Variants in RRAGD observed in about 807,000 individuals in gnomAD.
RRAGD encodes ras-related GTP-binding protein D.
In RRAGD, 12 loss-of-function variants were observed where a neutral mutation model predicts 35.5. The observed-to-expected ratio is 0.34, with a 90% CI of 0.22 to 0.55. The LOEUF is 0.55. Among genes scored for constraint, RRAGD ranks in the 20% least tolerant of loss-of-function variants. The pLI, the probability that RRAGD is intolerant of heterozygous loss-of-function variation, is 0.91. For synonymous variants in RRAGD, 155 were observed against 178.9 expected, an observed-to-expected ratio of 0.87 and a Z score of 1.07; for missense variants, 324 against 490.1, an observed-to-expected ratio of 0.66 and a Z score of 3.20.
rs1769693166 is a variant in RRAGD, at chr6:89,411,545, G to C, written c.148+301C>G. 2.6e-6 allele frequency: 1 copy of C among 383,940 alleles called. No homozygotes were observed. Among genetic ancestry groups the C allele is most frequent in the South Asian group, 3.3e-5 (1 of 30,330 alleles). 23.8% of individuals were successfully genotyped at this position (383,940 alleles called of 1,614,324 possible). A position where few individuals can be genotyped will look rare whatever the true frequency, so the allele number is the denominator to read the frequency against. ...GACGCTGCGGAGAGCTTGGGGTGAG[G>C]GGCGCGGGAGGCACCGGCTCTGAAA... On this transcript the variant is annotated intron_variant, in intron 1 of 6. Transcript: ENST00000369415. The surrounding 1 kb of genome is among the most constrained non-coding windows in gnomAD (Gnocchi z 5.6).
chr6:89,395,368 T>C (rs555020076), intron 1 of RRAGD, among the ~76,000 whole-genome samples: 2 of 152,258 alleles, frequency 1.3e-5, no homozygotes, highest in South Asian at 2.1e-4. Context: ...GCCTGGGTAA[T>C]AGCAAGACCC....
chr6:89,373,248 A>G (rs1768881903), intron 5 of RRAGD, among the ~76,000 whole-genome samples: 1 of 152,260 alleles, frequency 6.6e-6, no homozygotes, highest in East Asian at 1.9e-4. Flanking sequence ...GAAGAGTTAT[A>G]CAGGAGTTCA....
chr6:89,402,620 G>A (rs1769494048), intron 1 of RRAGD, among the ~76,000 whole-genome samples: 1 of 152,088 alleles, frequency 6.6e-6, no homozygotes, highest in Non-Finnish European at 1.5e-5. Flanking sequence ...ACCCTAGCTA[G>A]GCAGCTAGCC....
At chr6:89,379,634 AT>A in intron 3 of RRAGD, among the ~76,000 whole-genome samples, 1 of 152,350 alleles carries the variant, frequency 6.6e-6, no homozygotes, top group South Asian at 2.1e-4. Context: ...CTGCAAGACA[AT>A]CCATGCCAGA....
Position 89,411,836 on chromosome 6 carries a change from G to A in RRAGD, c.148+10C>T, listed in dbSNP as rs534525134. 1.9e-6 allele frequency: 3 copies of A among 1,547,200 alleles called. No homozygotes were observed. The highest frequency in any genetic ancestry group is 4.8e-5 in the East Asian group (2 of 41,990). ...GGCGCGAGCCGAGGACGCGGGGGCC[G>A]GGCGCTCACCTCCCTCCTCTGTGCC... On this transcript the variant is annotated intron_variant, in intron 1 of 6. Transcript: ENST00000369415. The surrounding 1 kb of genome is among the most constrained non-coding windows in gnomAD (Gnocchi z 5.6).
intron 2 of RRAGD, among the ~76,000 whole-genome samples, 167 bp from the exon 3 acceptor site, chr6:89,380,534 G>C (rs1769024242): frequency 6.6e-6 from 1 of 151,110 alleles, no homozygotes; most frequent in Non-Finnish European, 1.5e-5. Context: ...TTTAAGTTCT[G>C]TTAACAAAGA....
chr6:89,381,542 C>T (rs1769043492), intron 2 of RRAGD, among the ~76,000 whole-genome samples: 1 of 152,218 alleles, frequency 6.6e-6, no homozygotes, highest in Non-Finnish European at 1.5e-5. Flanking sequence ...TTTATTCTCA[C>T]TCATGTATAC....
Position 89,380,372 on chromosome 6 carries a change from G to T in RRAGD, c.445-5C>A. ...CAGGGCTTCCATGTAATCATCCTAG[G>T]ACCAAAGGCAACGCCTGTGAGAGAA... On this transcript the variant is annotated splice_polypyrimidine_tract_variant and splice_region_variant and intron_variant, in intron 2 of 6. Transcript: ENST00000369415. 6.2e-7 allele frequency: 1 copy of T among 1,613,364 alleles called. No individual in the cohort carries two copies. Among genetic ancestry groups the T allele is most frequent in the South Asian group, 1.1e-5 (1 of 91,028 alleles).
At chr6:89,382,094 A>C (rs1769053493) in intron 2 of RRAGD, among the ~76,000 whole-genome samples, 5 of 151,788 alleles carry the variant, frequency 3.3e-5, no homozygotes. Flanking sequence ...TTGTGCCTCC[A>C]AACCTGGAAA....
chr6:89,389,959 G>A (rs1193822018), intron 1 of RRAGD, among the ~76,000 whole-genome samples: 5 of 152,126 alleles, frequency 3.3e-5, no homozygotes, highest in African/African-American at 7.2e-5. Flanking sequence ...AATGGTGCTG[G>A]GCCAACTGGA....
intron 6 of RRAGD, among the ~76,000 whole-genome samples, chr6:89,371,472 GA>G (rs1243946715): frequency 6.6e-6 from 1 of 152,122 alleles, no homozygotes; most frequent in African/African-American, 2.4e-5. Flanking sequence ...CTAAGTAACA[GA>G]GCGAGATCCT....
chr6:89,396,889 G>A (rs1417542696), intron 1 of RRAGD, among the ~76,000 whole-genome samples: 1 of 151,204 alleles, frequency 6.6e-6, no homozygotes. Context: ...TTACAGGTGT[G>A]CACCACCATG....
At chr6:89,381,357 A>T (rs189868369) in intron 2 of RRAGD, among the ~76,000 whole-genome samples, 50 of 152,242 alleles carry the variant, frequency 3.3e-4, no homozygotes, top group Non-Finnish European at 6.3e-4. Context: ...TGCCCCAAAC[A>T]ATACTAACTT....
Position 89,401,668 on chromosome 6 carries a change from T to C in RRAGD, c.148+10178A>G, listed in dbSNP as rs542806786. On this transcript the variant is annotated intron_variant, in intron 1 of 6. Transcript: ENST00000369415. ...CAGCAACACTGGCCTTCCAGAAGGT[T>C]CCTCAGCTCAGGATCTCACTTTGCT... Among the ~76,000 whole-genome samples, 43 of 152,180 alleles carry C rather than the reference T, an allele frequency of 2.8e-4. No individual in the cohort carries two copies. The South Asian group carries it at 8.9e-3, about 32-fold the overall frequency.
rs773461136 is a variant in RRAGD at position 89,387,347 on chromosome 6, T to C, written c.392A>G (p.Tyr131Cys). 1.7e-5 allele frequency: 28 copies of C among 1,614,180 alleles called. No individual in the cohort carries two copies. Among genetic ancestry groups the C allele is most frequent in the East Asian group, 2.2e-5 (1 of 44,884 alleles). ...QIDFFDPTFD[Y>C]EMIFRGTGAL... ...TCCTGTTCCCCGGAAGATCATCTCA[T>C]AGTCAAATGTAGGGTCAAAAAAGTC... The change falls in exon 2 of 7, where the codon TAT becomes TGT. Residue 131 changes from tyrosine (Y) to cysteine (C), a missense_variant. Transcript: ENST00000369415.
rs778231481 is a variant in RRAGD at position 89,368,109 on chromosome 6, G to C, written c.1150C>G (p.Leu384Val). The C allele has an allele frequency of 5.0e-6, 8 of 1,613,848 alleles. No homozygotes were observed. The highest frequency in any genetic ancestry group is 6.8e-6 in the Non-Finnish European group (8 of 1,179,852). The change falls in exon 7 of 7, where the codon CTG becomes GTG. Residue 384 changes from leucine (L) to valine (V), a missense_variant. This residue lies in a region of RRAGD where 68 missense variants were observed against 76.8 expected (regional missense o/e 0.89). Coordinates refer to ENST00000369415, the MANE Select transcript of RRAGD (RefSeq NM_021244.5). Reference sequence around the variant, plus strand: ...GGGGTGGCTCTCTTTTTCTTCTGCAGCCGATTCTGAACCTTTCGAGATTTT... The same window carrying C: ...GGGGTGGCTCTCTTTTTCTTCTGCACCCGATTCTGAACCTTTCGAGATTTT... ...VVKSRKVQNR[L>V]QKKKRATPNG...
intron 1 of RRAGD, among the ~76,000 whole-genome samples, chr6:89,390,855 G>A (rs947978695): frequency 3.3e-5 from 5 of 152,130 alleles, no homozygotes; most frequent in Admixed American, 2.6e-4. Context: ...CTGAGATGGC[G>A]CCCCTGCACT....
At chr6:89,386,027 G>A (rs982830347) in intron 2 of RRAGD, among the ~76,000 whole-genome samples, 12 of 152,094 alleles carry the variant, frequency 7.9e-5, no homozygotes, top group African/African-American at 2.2e-4. Context: ...TGTGCTTAGC[G>A]GGGCGATGCA....
chr6:89,399,835 C>T (rs550703403), intron 1 of RRAGD, among the ~76,000 whole-genome samples: 7 of 149,854 alleles, frequency 4.7e-5, no homozygotes, highest in Non-Finnish European at 8.9e-5. Context: ...AACTCCTACG[C>T]TCAAGTGATC....
Sources: allele counts gnomAD v4.1 joint callset (sites outside exome capture counted in the v4.1 genomes callset), GRCh38; gene constraint gnomAD v4.1.1; regional missense constraint gnomAD v4.1.1; non-coding constraint Gnocchi (gnomAD v3.1); transcripts MANE v1.5; gene names NCBI Gene and HGNC (gene_info 2026-07-23, HGNC 2026-07-21).